FSIP2: variants seen among roughly 807,000 people sequenced by gnomAD.
FSIP2 encodes fibrous sheath-interacting protein 2.
In FSIP2, 367 loss-of-function variants were observed where a neutral mutation model predicts 510.5. The ratio of observed to expected loss-of-function variants is 0.72; its 90% CI spans 0.66 to 0.78. The LOEUF (loss-of-function observed/expected upper bound fraction) is 0.78, where lower values mean the gene tolerates loss of function less well. Ranked by LOEUF, FSIP2 falls within the 30% of genes least tolerant of loss-of-function variation. FSIP2 has a pLI of 0.00. For missense variants in FSIP2, 7,594 were observed against 7,901.7 expected, an observed-to-expected ratio of 0.96 and a Z score of 1.48; for synonymous variants, 2,601 against 2,732.2, an observed-to-expected ratio of 0.95 and a Z score of 1.50.
Position 185,805,428 on chromosome 2 carries a change from T to C in FSIP2, c.16122T>C (p.Ser5374=). Residue 5374 remains serine, a synonymous_variant, in exon 17 of 23, where the codon AGT becomes AGC. Transcript: ENST00000424728. ...TSHDIQKGDE[S]NIAIGMIAAL... Reference sequence around the variant, plus strand: ...ATGATATTCAAAAAGGTGATGAAAGTAACATTGCTATAGGGATGATTGCTG... The same window carrying C: ...ATGATATTCAAAAAGGTGATGAAAGCAACATTGCTATAGGGATGATTGCTG... The C allele has an allele frequency of 6.2e-7, 1 of 1,605,460 alleles. No individual in the cohort carries two copies. Among genetic ancestry groups the C allele is most frequent in the Non-Finnish European group, 8.5e-7 (1 of 1,176,610 alleles).
chr2:185,807,540 T>C lies in FSIP2; in HGVS notation c.18234T>C (p.Asp6078=). 1 of 1,611,432 alleles carries C rather than the reference T, an allele frequency of 6.2e-7. No individual in the cohort carries two copies. The highest frequency in any genetic ancestry group is 8.5e-7 in the Non-Finnish European group (1 of 1,178,552). ...TAGAAACCTTACAATCTGATGATGA[T>C]GAAATTATTCAATTAGTGGTTCAGT... The part of the protein sequence containing the change: ...QYVETLQSDD[D]EIIQLVVQSV... Residue 6078 remains aspartate (D), a synonymous_variant, in exon 17 of 23, where the codon GAT becomes GAC. Coordinates refer to ENST00000424728, the MANE Select transcript of FSIP2 (RefSeq NM_173651.4).
In FSIP2 at chr2:185,764,104, T is replaced by C. The variant is rs76259594; in HGVS notation, c.1348-398T>C. On this transcript the variant is annotated intron_variant, in intron 12 of 22. Coordinates refer to ENST00000424728, the MANE Select transcript of FSIP2 (RefSeq NM_173651.4). ...TGCCCTTAACTTAAAAAAAATTCCT[T>C]TAAAAACAGTGTCTAAATTTTATTA... 5.9e-3 allele frequency among the ~76,000 whole-genome samples: 892 copies of C among 151,784 alleles called. 7 individuals carry two copies. The highest frequency in any genetic ancestry group is 0.02 in the African/African-American group (843 of 41,518).
chr2:185,795,196 C>T lies in FSIP2; in HGVS notation c.8060C>T (p.Ala2687Val). 1 of 1,534,884 alleles carries T rather than the reference C, an allele frequency of 6.5e-7. No homozygotes were observed. The highest frequency in any genetic ancestry group is 8.7e-7 in the Non-Finnish European group (1 of 1,146,172). The change falls in exon 16 of 23, where the codon GCT (alanine) becomes GTT (valine). Residue 2687 changes from alanine to valine, a missense_variant. Ala to Val is a moderately conservative substitution (Grantham distance 64, BLOSUM62 0). Transcript: ENST00000424728. ...TKKTHLGLSA[A>V]KAKSKTKLGP... is the part of the protein sequence containing the mutation. ...AAAACACACTTAGGACTGAGTGCTG[C>T]TAAGGCCAAAAGCAAAACCAAGTTA...
intron 13 of FSIP2, among the ~76,000 whole-genome samples, chr2:185,781,752 A>G (rs1259759938): frequency 1.3e-5 from 2 of 152,154 alleles, no homozygotes; most frequent in Non-Finnish European, 2.9e-5. Flanking sequence ...AATTAAAAAT[A>G]TTTGTTTAGC....
Position 185,813,809 on chromosome 2 carries a change from C to T in FSIP2, c.20092C>T (p.Leu6698Phe), listed in dbSNP as rs1045498733. ...AGTCAAGAAGCCAATACAAAGCAAACTTTCTCCTAAGTCAACACTAAGCAC... is the reference window on the plus strand; with the variant it reads ...AGTCAAGAAGCCAATACAAAGCAAATTTTCTCCTAAGTCAACACTAAGCAC... ...KEVKKPIQSK[L>F]SPKSTLSTSS... is the part of the protein sequence containing the mutation. The change falls in exon 18 of 23, where the codon CTT (leucine) becomes TTT (phenylalanine). Residue 6698 changes from leucine (L) to phenylalanine (F), a missense_variant. Coordinates refer to ENST00000424728, the MANE Select transcript of FSIP2 (RefSeq NM_173651.4). The T allele has an allele frequency of 8.7e-6, 14 of 1,613,338 alleles. No individual in the cohort carries two copies. The East Asian group carries it at 1.1e-4, about 13-fold the overall frequency.
intron 17 of FSIP2, among the ~76,000 whole-genome samples, chr2:185,809,884 T>C (rs1022714464): frequency 6.6e-6 from 1 of 152,076 alleles, no homozygotes. Context: ...CCAAAAATAA[T>C]GTCCTTATTA....
intron 13 of FSIP2, among the ~76,000 whole-genome samples, chr2:185,770,384 G>T (rs920750900): frequency 1.3e-5 from 2 of 152,002 alleles, no homozygotes; most frequent in Non-Finnish European, 2.9e-5. Flanking sequence ...GGCTATACAC[G>T]CACGGCACCA....
chr2:185,776,593 A>T (rs562862851), intron 13 of FSIP2, among the ~76,000 whole-genome samples: 1 of 152,290 alleles, frequency 6.6e-6, no homozygotes, highest in Non-Finnish European at 1.5e-5. Context: ...TTGAATTAGC[A>T]TCAAAAAGCA....
At chr2:185,830,543 A>G (rs1217822338) in intron 21 of FSIP2, among the ~76,000 whole-genome samples, 1 of 151,938 alleles carries the variant, frequency 6.6e-6, no homozygotes, top group African/African-American at 2.4e-5. Context: ...TAACCTACAC[A>G]CATCCTCCCA....
chr2:185,797,594 A>C lies in FSIP2; in HGVS notation c.10390+68A>C, dbSNP rs1041309047. The C allele has an allele frequency of 2.8e-6, 4 of 1,430,904 alleles. No homozygotes were observed. In the Admixed American group the frequency reaches 1.1e-4, roughly 38 times the overall value. 88.6% of individuals were successfully genotyped at this position (1,430,904 alleles called of 1,614,324 possible). ...AAGAAAACCAGTAAAAGACATGTTT[A>C]AAAGATCTCCTGTCTAAAAAGCTGT... On this transcript the variant is annotated intron_variant, in intron 16 of 22. Transcript: ENST00000424728.
rs890313180 is a variant in FSIP2 at position 185,801,083 on chromosome 2, T to C, written c.11777T>C (p.Ile3926Thr). 12 of 1,532,268 alleles carry C rather than the reference T, an allele frequency of 7.8e-6. No individual in the cohort carries two copies. Among genetic ancestry groups the C allele is most frequent in the Non-Finnish European group, 1.0e-5 (12 of 1,144,948 alleles). The allele number at this position is 1,532,268 out of a possible 1,614,324, so 94.9% of individuals were successfully genotyped here. Residue 3926 changes from isoleucine (I) to threonine (T), a missense_variant, in exon 17 of 23, where the codon ATA becomes ACA. Ile to Thr is a moderately conservative substitution (Grantham distance 89). Transcript: ENST00000424728. The stretch of plus-strand genomic sequence containing the variant: ...AATCCCAGTGTGGTTAGCTCCAAAA[T>C]ACAAGCACCATTTAACAAGCATTGT... The part of the protein sequence containing the change: ...LNNPSVVSSK[I>T]QAPFNKHCAV...
rs145457779 is a variant in FSIP2 at position 185,802,366 on chromosome 2, C to T, written c.13060C>T (p.Leu4354Phe). The T allele has an allele frequency of 5.6e-5, 86 of 1,532,658 alleles. No homozygotes were observed. The Middle Eastern group carries it at 3.9e-3, about 69-fold the overall frequency. 94.9% of individuals were successfully genotyped at this position (1,532,658 alleles called of 1,614,324 possible). A position where few individuals can be genotyped will look rare whatever the true frequency, so the allele number is the denominator to read the frequency against. ...TTTCAATAAAGCTAAAATTCACATT[C>T]TCTATGATGACAAAGAACAGGCTTT... ...RHFNKAKIHI[L>F]YDDKEQAFFS... Residue 4354 changes from leucine to phenylalanine, a missense_variant, in exon 17 of 23, where the codon CTC becomes TTC. Physicochemically the swap from Leu to Phe is conservative, Grantham distance 22. Transcript: ENST00000424728.
chr2:185,795,002 A>G lies in FSIP2; in HGVS notation c.7866A>G (p.Pro2622=), dbSNP rs1348632181. ...NISVMENTLL[P]YLPLQVKKDL... ...CTGTGATGGAAAACACTCTTTTGCC[A>G]TATTTACCATTGCAAGTGAAGAAAG... Residue 2622 remains proline, a synonymous_variant, in exon 16 of 23, where the codon CCA becomes CCG. Coordinates refer to ENST00000424728, the MANE Select transcript of FSIP2 (RefSeq NM_173651.4). The G allele has an allele frequency of 2.6e-6, 4 of 1,533,940 alleles. No homozygotes were observed. The highest frequency in any genetic ancestry group is 2.4e-5 in the East Asian group (1 of 40,844).
chr2:185,762,514 T>G (rs7607020), intron 11 of FSIP2, among the ~76,000 whole-genome samples: 146,879 of 151,324 alleles, frequency 0.97, 71,356 homozygotes, highest in Middle Eastern at 1. Flanking sequence ...TTCCTCCAGT[T>G]GCTAAGGATC....
chr2:185,785,784 T>C (rs1411363810), intron 14 of FSIP2, among the ~76,000 whole-genome samples: 1 of 152,012 alleles, frequency 6.6e-6, no homozygotes, highest in Non-Finnish European at 1.5e-5. Flanking sequence ...CATATTTTCT[T>C]CCTACTGTGG....
intron 15 of FSIP2, chr2:185,788,155 C>T (rs1693032707): frequency 6.6e-6 from 1 of 151,928 alleles, no homozygotes; most frequent in Admixed American, 6.6e-5. Context: ...ATGTTCCTTC[C>T]CCACATCTCA....
intron 13 of FSIP2, among the ~76,000 whole-genome samples, chr2:185,771,453 AG>A (rs1692606564): frequency 1.3e-5 from 2 of 152,242 alleles, no homozygotes; most frequent in African/African-American, 4.8e-5. Flanking sequence ...AACAGCACAT[AG>A]AACCTGACAA....
At chr2:185,829,845 T>C (rs1031888518) in intron 21 of FSIP2, among the ~76,000 whole-genome samples, 5 of 151,856 alleles carry the variant, frequency 3.3e-5, no homozygotes, top group Admixed American at 3.3e-4. Flanking sequence ...GCCATAGAAC[T>C]AGAAAAGGGG....
At chr2:185,766,951 AAT>A (rs1436983185) in intron 13 of FSIP2, among the ~76,000 whole-genome samples, 1 of 118,642 alleles carries the variant, frequency 8.4e-6, no homozygotes, top group Non-Finnish European at 1.8e-5. Flanking sequence ...GGATTAAGAA[AAT>A]GTGGCACATA....
Sources: allele counts gnomAD v4.1 joint callset (sites outside exome capture counted in the v4.1 genomes callset), GRCh38; gene constraint gnomAD v4.1.1; transcripts MANE v1.5; gene names NCBI Gene and HGNC (gene_info 2026-07-23, HGNC 2026-07-21).